The following TMEM116 variants were observed in gnomAD, a reference collection of about 807,000 sequenced individuals.
TMEM116 encodes transmembrane protein 116.
A neutral mutation model predicts 44.3 loss-of-function variants in TMEM116; 38 were observed. The ratio of observed to expected loss-of-function variants is 0.86; its 90% CI spans 0.66 to 1.12. The LOEUF is 1.12. TMEM116 is among the 50% of genes most tolerant of loss of function. The pLI, the probability that TMEM116 is intolerant of heterozygous loss-of-function variation, is 0.00. For synonymous variants in TMEM116, 132 were observed against 144.8 expected (o/e 0.91, Z 0.64); for missense variants, 354 against 401.7 (o/e 0.88, Z 1.01).
intron 3 of TMEM116, among the ~76,000 whole-genome samples, chr12:112,003,248 T>C (rs975269159): frequency 2.6e-5 from 4 of 152,204 alleles, no homozygotes; most frequent in Non-Finnish European, 2.9e-5. Flanking sequence ...TAGCAATTAA[T>C]GCATACCAAA....
chr12:111,938,318 C>A, intron 5 of TMEM116, 108 bp from the exon 6 acceptor site: 1 of 778,282 alleles, frequency 1.3e-6, no homozygotes, highest in Non-Finnish European at 1.9e-6. Flanking sequence ...TTTCCAAAAG[C>A]CAGTTTGCTT....
chr12:112,003,074 A>G (rs2077361310), intron 3 of TMEM116, among the ~76,000 whole-genome samples: 1 of 152,232 alleles, frequency 6.6e-6, no homozygotes. Context: ...AGAAGGCCAG[A>G]GAAGCAAAAT....
At chr12:111,981,746 T>A (rs895461786) in intron 4 of TMEM116, among the ~76,000 whole-genome samples, 3 of 152,204 alleles carry the variant, frequency 2.0e-5, no homozygotes, top group Non-Finnish European at 4.4e-5. Context: ...AATCCTGTAT[T>A]CAGTATTCAT....
chr12:111,974,996 TGAA>T (rs1428246932), intron 4 of TMEM116, among the ~76,000 whole-genome samples: 12 of 152,344 alleles, frequency 7.9e-5, no homozygotes, highest in African/African-American at 2.6e-4. Context: ...AGAGAGATAC[TGAA>T]GAAGACCTAA....
chr12:111,990,254 C>CAA (rs1298645737), intron 4 of TMEM116, among the ~76,000 whole-genome samples: 1 of 82,000 alleles, frequency 1.2e-5, no homozygotes. Context: ...GACTCCGCCT[C>CAA]AAAAAAAAAA....
intron 3 of TMEM116, chr12:111,993,793 C>T (rs764201551): frequency 1.7e-4 from 128 of 734,520 alleles, no homozygotes; most frequent in Non-Finnish European, 3.0e-4. Context: ...AGGTTACATA[C>T]CTGGAGTGTT....
chr12:112,006,332 G>C (rs184751655), intron 1 of TMEM116, among the ~76,000 whole-genome samples: 1 of 152,236 alleles, frequency 6.6e-6, no homozygotes, highest in East Asian at 1.9e-4. Context: ...AAGATAAATA[G>C]AGCTGCAATA....
intron 4 of TMEM116, among the ~76,000 whole-genome samples, chr12:111,967,443 A>G (rs1396129447): frequency 6.6e-6 from 1 of 152,136 alleles, no homozygotes; most frequent in Non-Finnish European, 1.5e-5. Flanking sequence ...AAAAGACAAT[A>G]AGGAATACTG....
intron 8 of TMEM116, chr12:111,934,333 G>C: frequency 3.7e-6 from 1 of 269,892 alleles, no homozygotes; most frequent in Non-Finnish European, 7.1e-6. Flanking sequence ...AGTTTACCCA[G>C]GAAGTTAAAA....
intron 4 of TMEM116, among the ~76,000 whole-genome samples, chr12:111,985,724 G>C (rs1218294793): frequency 6.6e-6 from 1 of 152,048 alleles, no homozygotes; most frequent in African/African-American, 2.4e-5. Context: ...AGCCTCCAGA[G>C]TAGCTGGAAT....
chr12:111,932,735 A>T, intron 9 of TMEM116, 76 bp from the exon 10 acceptor site: 1 of 1,136,098 alleles, frequency 8.8e-7, no homozygotes. Flanking sequence ...CACACGTCTG[A>T]GCATTATCAG....
At chr12:111,939,451 CA>C (rs34320561) in intron 5 of TMEM116, among the ~76,000 whole-genome samples, 32,449 of 72,206 alleles carry the variant, frequency 0.45, 5,290 homozygotes, top group East Asian at 0.79. Context: ...GAATCCGTCT[CA>C]AAAAAAAAAA....
At chr12:111,978,167 C>T (rs1167467640) in intron 4 of TMEM116, among the ~76,000 whole-genome samples, 3 of 150,354 alleles carry the variant, frequency 2.0e-5, no homozygotes, top group Non-Finnish European at 3.0e-5. Context: ...TTTGGGAGGC[C>T]GAGGTGGGCA....
At position 111,991,815 on chromosome 12, in the gene TMEM116, A is replaced by G. The variant is rs1313322305; in HGVS notation, c.153T>C (p.Tyr51=). The stretch of plus-strand genomic sequence containing the variant: ...TGTCCTTATTTGCTACTGAAGCTCC[A>G]TAGAGAAGTGTCTCCGTGAGCCAGC... ...GLCWLTETLL[Y]GASVANKDII... is the part of the protein sequence containing the mutation. Residue 51 remains tyrosine, a synonymous_variant, in exon 4 of 11, where the codon TAT becomes TAC. Transcript: ENST00000552374. 5.3e-5 allele frequency: 81 copies of G among 1,535,920 alleles called. No homozygotes were observed. The highest frequency in any genetic ancestry group is 7.0e-5 in the Non-Finnish European group (80 of 1,146,718).
chr12:112,009,854 A>C (rs926486397), intron 1 of TMEM116, among the ~76,000 whole-genome samples: 4 of 152,094 alleles, frequency 2.6e-5, no homozygotes, highest in African/African-American at 4.8e-5. Context: ...AAAAAAAAAA[A>C]AAACAAAACA....
chr12:112,005,761 A>G (rs1024274116), intron 1 of TMEM116: 1 of 959,562 alleles, frequency 1.0e-6, no homozygotes. Context: ...AGATGTGTGG[A>G]AAGAATAGGT....
At chr12:111,932,236 T>C (rs1332509885) in intron 10 of TMEM116, among the ~76,000 whole-genome samples, 1 of 152,188 alleles carries the variant, frequency 6.6e-6, no homozygotes, top group Non-Finnish European at 1.5e-5. Flanking sequence ...ATTTATCCCA[T>C]TCAGTTTACT....
rs1487444113 is a variant in TMEM116, at chr12:111,940,494, CACACATATATAT to C, written c.316-2296_316-2285del. On this transcript the variant is annotated intron_variant, in intron 5 of 10. Coordinates refer to ENST00000552374, the MANE Select transcript of TMEM116 (RefSeq NM_001193531.2). ...ATATATATACATACACACACACACA[CACACATATATAT>C]ACACACATATATATGTGTATATATA... 4.3e-4 allele frequency among the ~76,000 whole-genome samples: 52 copies of C among 122,212 alleles called. 2 individuals carry two copies. The highest frequency in any genetic ancestry group is 1.4e-3 in the African/African-American group (42 of 30,858). The allele number at this position is 122,212 out of a possible 152,430, so 80.2% of individuals were successfully genotyped here. A position where few individuals can be genotyped will look rare whatever the true frequency, so the allele number is the denominator to read the frequency against.
intron 1 of TMEM116, chr12:112,006,107 T>C (rs2077570847): frequency 7.7e-6 from 2 of 261,000 alleles, no homozygotes; most frequent in South Asian, 3.0e-4. Context: ...GCTCCTCCTA[T>C]ACTGAATCCT....
Sources: gnomAD v4.1 joint callset for allele counts (sites outside exome capture counted in the v4.1 genomes callset) on GRCh38, gnomAD v4.1.1 for gene constraint, MANE v1.5 for transcripts, NCBI Gene and HGNC (gene_info 2026-07-23, HGNC 2026-07-21) for gene names.